CASQ1: variants seen among roughly 807,000 people sequenced by gnomAD.
CASQ1 encodes calsequestrin-1.
In CASQ1, 40 loss-of-function variants were observed where a neutral mutation model predicts 49.5. The observed-to-expected ratio is 0.81, with a 90% confidence interval of 0.63 to 1.05. CASQ1 has a LOEUF of 1.05. Ranked by LOEUF, CASQ1 falls within the 50% of genes least tolerant of loss-of-function variation. The pLI is 0.00. For missense variants in CASQ1, 469 were observed against 486.9 expected (o/e 0.96, Z 0.35); for synonymous variants, 174 against 187.2 (o/e 0.93, Z 0.58).
In CASQ1 at chr1:160,195,652, G is replaced by GCCC. The variant is rs66663076; in HGVS notation, c.651+127_651+129dup. ...TCCTACGTGCTGGCACTCCCTACCT[G>GCCC]CCCCCCCCCCCGGCTCCTCCCACTC... On this transcript the variant is annotated intron_variant, in intron 5 of 10. Coordinates refer to ENST00000368078, the MANE Select transcript of CASQ1 (RefSeq NM_001231.5). 3.1e-4 allele frequency: 221 copies of GCCC among 718,656 alleles called. 1 individual carries two copies. Among genetic ancestry groups the GCCC allele is most frequent in the Middle Eastern group, 6.6e-4 (2 of 3,034 alleles). The allele number at this position is 718,656 out of a possible 1,614,324, so 44.5% of individuals were successfully genotyped here. A position where few individuals can be genotyped will look rare whatever the true frequency, so the allele number is the denominator to read the frequency against.
At chr1:160,198,782 T>C (rs1164355392) in intron 8 of CASQ1, 51 bp downstream of exon 8, 2 of 1,525,712 alleles carry the variant, frequency 1.3e-6, no homozygotes, top group Non-Finnish European at 1.8e-6. Context: ...GGGAGGTGGG[T>C]GTGTTTATTG....
intron 5 of CASQ1, 126 bp downstream of exon 5, chr1:160,195,660 C>A (rs1017378275): frequency 6.1e-6 from 5 of 815,888 alleles, no homozygotes; most frequent in East Asian, 2.7e-5. Context: ...CTGCCCCCCC[C>A]CCCGGCTCCT....
At chr1:160,199,745 T>A (rs1654327117) in intron 9 of CASQ1, 106 bp from the exon 10 acceptor site, 2 of 756,980 alleles carry the variant, frequency 2.6e-6, no homozygotes, top group Non-Finnish European at 4.8e-6. Context: ...CCACTGCCAG[T>A]TCGCACTGTC....
rs373906572 is a variant in CASQ1, at chr1:160,200,801, GT to G, written c.1060-443del. 1.4e-3 allele frequency among the ~76,000 whole-genome samples: 210 copies of G among 152,266 alleles called. 2 individuals carry two copies. The highest frequency in any genetic ancestry group is 4.6e-3 in the African/African-American group (193 of 41,552). ...AGGTGGGAGAATCACTTGAGGCCAG[GT>G]GTTCAAGGCTGCAGTGAGCCATGAC... On this transcript the variant is annotated intron_variant, in intron 10 of 10. Coordinates refer to ENST00000368078, the MANE Select transcript of CASQ1 (RefSeq NM_001231.5).
At position 160,201,750 on chromosome 1, in the gene CASQ1, CTGTATCTTTCTGA is replaced by C; in HGVS notation, c.*375_*387del. 4.0e-6 allele frequency: 1 copy of C among 251,874 alleles called. No homozygotes were observed. Among genetic ancestry groups the C allele is most frequent in the Admixed American group, 4.7e-5 (1 of 21,088 alleles). 15.6% of individuals were successfully genotyped at this position (251,874 alleles called of 1,614,324 possible). On this transcript the variant is annotated 3_prime_UTR_variant, in exon 11 of 11. Transcript: ENST00000368078. ...CAGCTTTCCCCCACTCTCTCTAATC[CTGTATCTTTCTGA>C]CTGTCCTGTCCTTGGCCAGAAGGAA...
In CASQ1 at chr1:160,193,850, A is replaced by G. The variant is rs751067801; in HGVS notation, c.465+3A>G. On this transcript the variant is annotated splice_donor_region_variant and intron_variant, in intron 3 of 10. Coordinates refer to ENST00000368078, the MANE Select transcript of CASQ1 (RefSeq NM_001231.5). ...CCATCGTGGAGTTTCTGCTTGATGT[A>G]AGGACTCCCCTGGACCTGACGGCCT... 6.2e-7 allele frequency: 1 copy of G among 1,606,142 alleles called. No homozygotes were observed. Among genetic ancestry groups the G allele is most frequent in the South Asian group, 1.1e-5 (1 of 90,896 alleles).
chr1:160,195,885 C>T lies in CASQ1; in HGVS notation c.652-12C>T, dbSNP rs779848725. 4 of 1,613,364 alleles carry T rather than the reference C, an allele frequency of 2.5e-6. No homozygotes were observed. In the South Asian group the frequency reaches 3.3e-5, roughly 13 times the overall value. On this transcript the variant is annotated splice_polypyrimidine_tract_variant and intron_variant, in intron 5 of 10. Transcript: ENST00000368078. ...CTCCTGCTCCACTCCCCTCCTACCC[C>T]CTCTCCCAAAGGTGGCAAAGAAGCT...
Position 160,201,320 on chromosome 1 carries a change from G to C in CASQ1, c.1135G>C (p.Asp379His), listed in dbSNP as rs747775760. The change falls in exon 11 of 11, where the codon GAT becomes CAT. Residue 379 changes from aspartate (D) to histidine (H), a missense_variant. By Grantham distance (81) the Asp-to-His change is moderately conservative. Coordinates refer to ENST00000368078, the MANE Select transcript of CASQ1 (RefSeq NM_001231.5). ...TGAGGAGCTGGAGGACTGGCTGGAG[G>C]ATGTCCTGGAGGGCGAGATCAACAC... ...SAEELEDWLE[D>H]VLEGEINTED... 1 of 1,608,444 alleles carries C rather than the reference G, an allele frequency of 6.2e-7. No homozygotes were observed. Among genetic ancestry groups the C allele is most frequent in the Non-Finnish European group, 8.5e-7 (1 of 1,177,052 alleles).
intron 6 of CASQ1, 59 bp downstream of exon 6, chr1:160,196,086 T>C: frequency 1.9e-6 from 3 of 1,546,264 alleles, no homozygotes; most frequent in South Asian, 1.2e-5. Context: ...TAGAACACAC[T>C]GTGTGAGATG....
chr1:160,193,139 C>A (rs146139512), intron 2 of CASQ1, among the ~76,000 whole-genome samples: 1 of 152,106 alleles, frequency 6.6e-6, no homozygotes, highest in African/African-American at 2.4e-5. Context: ...TTATACTTAC[C>A]TTAAAACATG....
rs1654376513 is a variant in CASQ1 at position 160,201,563 on chromosome 1, A to T, written c.*187A>T. On this transcript the variant is annotated 3_prime_UTR_variant, in exon 11 of 11. Coordinates refer to ENST00000368078, the MANE Select transcript of CASQ1 (RefSeq NM_001231.5). ...ATGAGCAAATGAGCTACTTTTCCCT[A>T]GACACCAGGCCAGCTCTCTCTTATC... The T allele has an allele frequency of 3.2e-6, 2 of 620,256 alleles. No individual in the cohort carries two copies. Among genetic ancestry groups the T allele is most frequent in the African/African-American group, 3.7e-5 (2 of 54,446 alleles). 38.4% of individuals were successfully genotyped at this position (620,256 alleles called of 1,614,324 possible). A position where few individuals can be genotyped will look rare whatever the true frequency, so the allele number is the denominator to read the frequency against.
chr1:160,195,140 C>T lies in CASQ1; in HGVS notation c.577+17C>T. The T allele has an allele frequency of 6.8e-7, 1 of 1,476,168 alleles. No individual in the cohort carries two copies. Among genetic ancestry groups the T allele is most frequent in the Non-Finnish European group, 9.4e-7 (1 of 1,064,032 alleles). 91.4% of individuals were successfully genotyped at this position (1,476,168 alleles called of 1,614,324 possible). On this transcript the variant is annotated intron_variant, in intron 4 of 10. Transcript: ENST00000368078. The stretch of plus-strand genomic sequence containing the variant: ...ACTCAGAGCGTGGGTAACCCTCAGA[C>T]TCCACTGTGCCCCTCTCTGGATCCC...
intron 4 of CASQ1, 118 bp downstream of exon 4, chr1:160,195,241 C>T (rs770692910): frequency 4.5e-5 from 34 of 757,002 alleles, no homozygotes; most frequent in Non-Finnish European, 7.1e-5. Flanking sequence ...ACCTCTTCCT[C>T]CAGCCGTGGT....
chr1:160,194,626 TAC>T (rs1654174915), intron 3 of CASQ1, among the ~76,000 whole-genome samples: 1 of 124,544 alleles, frequency 8.0e-6, no homozygotes, highest in South Asian at 2.6e-4. Context: ...ACTCCACACG[TAC>T]ACACACCACA....
chr1:160,196,952 C>T (rs2101676181), intron 6 of CASQ1, among the ~76,000 whole-genome samples: 1 of 152,292 alleles, frequency 6.6e-6, no homozygotes, highest in East Asian at 1.9e-4. Flanking sequence ...TACTGCTAAA[C>T]ATTCTACAGT....
chr1:160,199,054 G>C lies in CASQ1; in HGVS notation c.984+1G>C, dbSNP rs1422979746. 1 of 1,567,810 alleles carries C rather than the reference G, an allele frequency of 6.4e-7. No individual in the cohort carries two copies. The highest frequency in any genetic ancestry group is 2.2e-5 in the East Asian group (1 of 44,690). The stretch of plus-strand genomic sequence containing the variant: ...GATTGACCCTGATGACTTCCCCCTG[G>C]TAAGAGGCACAGCTCAGGCACTGCT... On this transcript the variant is annotated splice_donor_variant, in intron 9 of 10. Transcript: ENST00000368078. LOFTEE classifies it high-confidence loss of function.
At chr1:160,198,878 G>A in intron 8 of CASQ1, 75 bp from the exon 9 acceptor site, 1 of 1,155,770 alleles carries the variant, frequency 8.7e-7, no homozygotes, top group Non-Finnish European at 1.3e-6. Flanking sequence ...CAGGGAGGTA[G>A]CTCTGCACTC....
chr1:160,197,868 A>T (rs766082028), intron 7 of CASQ1, among the ~76,000 whole-genome samples: 24 of 152,020 alleles, frequency 1.6e-4, no homozygotes, highest in Non-Finnish European at 3.1e-4. Context: ...AATACAAAAA[A>T]AATAGCAGGG....
In CASQ1 at chr1:160,201,626, A is replaced by G. The variant is rs1654379060; in HGVS notation, c.*250A>G. The G allele has an allele frequency of 1.8e-6, 1 of 550,342 alleles. No homozygotes were observed. The highest frequency in any genetic ancestry group is 1.9e-5 in the African/African-American group (1 of 52,994). 34.1% of individuals were successfully genotyped at this position (550,342 alleles called of 1,614,324 possible). ...CTTATCCCATAACTTACTTGTATCT[A>G]TTATGTGTCTCTTCCATCACTCTCC... On this transcript the variant is annotated 3_prime_UTR_variant, in exon 11 of 11. Transcript: ENST00000368078.
Sources: gnomAD v4.1 joint callset for allele counts (sites outside exome capture counted in the v4.1 genomes callset) on GRCh38, gnomAD v4.1.1 for gene constraint, MANE v1.5 for transcripts, NCBI Gene and HGNC (gene_info 2026-07-23, HGNC 2026-07-21) for gene names.